The following CTNNA3 variants were observed in gnomAD, a reference collection of about 807,000 sequenced individuals.
CTNNA3 encodes the protein catenin alpha 3.
A neutral mutation model predicts 95.7 loss-of-function variants in CTNNA3; 76 were observed. The ratio of observed to expected loss-of-function variants is 0.79; its 90% CI spans 0.66 to 0.96. CTNNA3 has a LOEUF of 0.96. Ranked by LOEUF, CTNNA3 falls within the 40% of genes least tolerant of loss-of-function variation. The pLI, the probability that CTNNA3 is intolerant of heterozygous loss-of-function variation, is 0.00. For synonymous variants in CTNNA3, 431 were observed against 374.4 expected, an observed-to-expected ratio of 1.15 and a Z score of -1.74; for missense variants, 1,191 against 1,089.8, an observed-to-expected ratio of 1.09 and a Z score of -1.31.
intron 1 of CTNNA3, among the ~76,000 whole-genome samples, chr10:67,728,542 C>A (rs1841257354): frequency 6.6e-6 from 1 of 151,688 alleles, no homozygotes; most frequent in African/African-American, 2.4e-5. Context: ...TCACTGCAAC[C>A]TCCACCTCCA....
intron 5 of CTNNA3, among the ~76,000 whole-genome samples, chr10:67,471,469 G>T (rs552802867): frequency 6.6e-6 from 1 of 152,176 alleles, no homozygotes; most frequent in South Asian, 2.1e-4. Flanking sequence ...CTAGACTATC[G>T]TCTACAGCTT....
chr10:67,013,854 C>T (rs1389763439), intron 7 of CTNNA3, among the ~76,000 whole-genome samples: 1 of 152,104 alleles, frequency 6.6e-6, no homozygotes, highest in Non-Finnish European at 1.5e-5. Flanking sequence ...TACAGGCCCA[C>T]TCTCACAAGG....
At chr10:67,688,400 G>C (rs1242550305) in intron 1 of CTNNA3, among the ~76,000 whole-genome samples, 1 of 152,178 alleles carries the variant, frequency 6.6e-6, no homozygotes, top group Non-Finnish European at 1.5e-5. Context: ...GAGGTAAGCT[G>C]AGAGGTCCTC....
At chr10:66,309,125 T>C (rs1368387439) in intron 12 of CTNNA3, among the ~76,000 whole-genome samples, 1 of 152,222 alleles carries the variant, frequency 6.6e-6, no homozygotes, top group Non-Finnish European at 1.5e-5. Context: ...TAATGATCTA[T>C]TTTGTACAAA....
intron 13 of CTNNA3, among the ~76,000 whole-genome samples, chr10:66,196,866 A>G (rs1227223822): frequency 6.6e-6 from 1 of 152,212 alleles, no homozygotes; most frequent in Admixed American, 6.5e-5. Context: ...TGGTGACACC[A>G]GCAACCAGGA....
chr10:66,460,595 T>C (rs2093522965), intron 11 of CTNNA3, among the ~76,000 whole-genome samples: 1 of 152,040 alleles, frequency 6.6e-6, no homozygotes, highest in East Asian at 1.9e-4. Context: ...CTTTCTTGCA[T>C]TTTCTCTCTA....
chr10:66,365,434 TA>T (rs1372435313), intron 12 of CTNNA3, among the ~76,000 whole-genome samples: 2 of 152,106 alleles, frequency 1.3e-5, no homozygotes, highest in Non-Finnish European at 2.9e-5. Flanking sequence ...ATACCTAATG[TA>T]AGTGTTGGGT....
chr10:66,755,846 A>T (rs1839342649), intron 9 of CTNNA3, among the ~76,000 whole-genome samples: 4 of 152,142 alleles, frequency 2.6e-5, no homozygotes, highest in Admixed American at 2.6e-4. Flanking sequence ...CCACTTCTCA[A>T]AATTGGAATG....
At chr10:66,768,596 G>T (rs4332418) in intron 8 of CTNNA3, among the ~76,000 whole-genome samples, 130,123 of 152,152 alleles carry the variant, frequency 0.86, 55,987 homozygotes, top group East Asian at 1. Context: ...AATCTTCTCT[G>T]CTGTGTAAAT....
At chr10:65,931,080 C>G (rs1334353091) in intron 17 of CTNNA3, among the ~76,000 whole-genome samples, 1 of 152,034 alleles carries the variant, frequency 6.6e-6, no homozygotes, top group African/African-American at 2.4e-5. Context: ...TTTTCAGGGT[C>G]TTTGAAGATT....
intron 5 of CTNNA3, among the ~76,000 whole-genome samples, chr10:67,261,754 A>G (rs935554765): frequency 6.6e-6 from 1 of 152,240 alleles, no homozygotes; most frequent in African/African-American, 2.4e-5. Context: ...TCAAAACTAT[A>G]GTAGTCAGGA....
rs113718812 is a variant in CTNNA3, at chr10:66,661,962, A to C, written c.1282-40178T>G. On this transcript the variant is annotated intron_variant, in intron 9 of 17. Transcript: ENST00000433211. ...GTTTGTAAAAATTTCATGCAGCTTC[A>C]AAAAGTCTGGTTCAAAAACTGGTGC... 5.4e-3 allele frequency among the ~76,000 whole-genome samples: 824 copies of C among 152,300 alleles called. 8 individuals carry two copies. Among genetic ancestry groups the C allele is most frequent in the African/African-American group, 0.019 (783 of 41,568 alleles).
chr10:67,014,918 A>C lies in CTNNA3; in HGVS notation c.1047+165399T>G, dbSNP rs76527945. Among the ~76,000 whole-genome samples the C allele has an allele frequency of 7.7e-3, 1,179 of 152,232 alleles. 40 individuals carry two copies. The East Asian group carries it at 0.11, about 14-fold the overall frequency. Reference sequence around the variant, plus strand: ...TGAAATCAAATTATATATGCATTTTAATATTTAAATGTTATATTTTCTTTT... The same window carrying C: ...TGAAATCAAATTATATATGCATTTTCATATTTAAATGTTATATTTTCTTTT... On this transcript the variant is annotated intron_variant, in intron 7 of 17. Transcript: ENST00000433211.
intron 3 of CTNNA3, among the ~76,000 whole-genome samples, chr10:67,543,967 T>C (rs2133211809): frequency 6.6e-6 from 1 of 152,288 alleles, no homozygotes; most frequent in South Asian, 2.1e-4. Context: ...AGACTCCCCT[T>C]TAAAATGTTC....
chr10:67,225,460 C>A (rs752729804), intron 5 of CTNNA3, among the ~76,000 whole-genome samples: 4 of 152,208 alleles, frequency 2.6e-5, no homozygotes, highest in Non-Finnish European at 1.5e-5. Context: ...AGAACCCTCA[C>A]GGAGTCCACT....
intron 15 of CTNNA3, among the ~76,000 whole-genome samples, chr10:66,033,269 T>C (rs2079486888): frequency 6.6e-6 from 1 of 151,774 alleles, no homozygotes; most frequent in African/African-American, 2.4e-5. Context: ...TAGCTGGGAC[T>C]ACAGGCGCCC....
intron 7 of CTNNA3, among the ~76,000 whole-genome samples, chr10:66,872,887 A>G (rs1023084269): frequency 6.6e-6 from 1 of 151,880 alleles, no homozygotes; most frequent in Non-Finnish European, 1.5e-5. Flanking sequence ...TACTGTTGCC[A>G]TCTTTATGTC....
intron 13 of CTNNA3, among the ~76,000 whole-genome samples, chr10:66,205,730 T>C (rs1225201416): frequency 1.3e-5 from 2 of 152,054 alleles, no homozygotes; most frequent in African/African-American, 2.4e-5. Context: ...CATCATTTTT[T>C]AATTTTTTAA....
At chr10:66,652,396 G>A (rs942022828) in intron 9 of CTNNA3, among the ~76,000 whole-genome samples, 1 of 151,978 alleles carries the variant, frequency 6.6e-6, no homozygotes, top group East Asian at 1.9e-4. Context: ...TAACCTAGAA[G>A]AAATGGGTAA....
Sources: gnomAD v4.1 joint callset for allele counts (sites outside exome capture counted in the v4.1 genomes callset) on GRCh38, gnomAD v4.1.1 for gene constraint, MANE v1.5 for transcripts, NCBI Gene and HGNC (gene_info 2026-07-23, HGNC 2026-07-21) for gene names.